The following CLECL1 variants were observed in gnomAD, a reference collection of about 807,000 sequenced individuals.
CLECL1 encodes the protein C-type lectin-like domain family 1.
downstream of CLECL1, among the ~76,000 whole-genome samples, chr12:9,715,464 C>T (rs1234796114): frequency 6.6e-6 from 1 of 152,200 alleles, no homozygotes; most frequent in African/African-American, 2.4e-5. Context: ...GGATTACATA[C>T]TTTGTACTGG....
intron 3 of CLECL1, among the ~76,000 whole-genome samples, chr12:9,727,188 T>C (rs900642028): frequency 6.6e-6 from 1 of 151,802 alleles, no homozygotes; most frequent in Admixed American, 6.6e-5. Flanking sequence ...GCATTTACAT[T>C]TTTAAATATG....
At chr12:9,709,027 T>A in the CLECL1 span, 1 of 172,618 alleles carries the variant, frequency 5.8e-6, no homozygotes, top group South Asian at 1.7e-4. Flanking sequence ...CAGGAAGGAC[T>A]GAGTTGGCCT....
upstream of CLECL1, chr12:9,733,332 C>T: frequency 3.8e-6 from 4 of 1,064,396 alleles, no homozygotes; most frequent in Non-Finnish European, 5.5e-6. Context: ...TTTATTAATA[C>T]CACAGAAGAT....
At chr12:9,708,825 T>C in the CLECL1 span, 1 of 188,754 alleles carries the variant, frequency 5.3e-6, no homozygotes, top group Non-Finnish European at 1.1e-5. Flanking sequence ...CCCTGAGTAT[T>C]TGCTGAAAGA....
chr12:9,730,679 T>G (rs1268577744), intron 1 of CLECL1, among the ~76,000 whole-genome samples: 2 of 152,126 alleles, frequency 1.3e-5, no homozygotes, highest in African/African-American at 4.8e-5. Context: ...ACGTTTCTTT[T>G]TCTTTCTTTT....
downstream of CLECL1, among the ~76,000 whole-genome samples, chr12:9,713,709 T>G (rs1237370260): frequency 6.6e-6 from 1 of 152,242 alleles, no homozygotes; most frequent in African/African-American, 2.4e-5. Flanking sequence ...AGTATGCTTG[T>G]GCTGAAGCAT....
At chr12:9,733,389 A>G, upstream of CLECL1, 1 of 616,060 alleles carries the variant, frequency 1.6e-6, no homozygotes. Flanking sequence ...TAGTTCAGGC[A>G]TATATTCTCT....
chr12:9,713,345 ACTC>A (rs1434710804), downstream of CLECL1, among the ~76,000 whole-genome samples: 1 of 152,132 alleles, frequency 6.6e-6, no homozygotes, highest in African/African-American at 2.4e-5. Flanking sequence ...GCTCCCATGT[ACTC>A]CTCCAAACTC....
At chr12:9,723,266 AG>A (rs1866336278) in intron 3 of CLECL1, among the ~76,000 whole-genome samples, 1 of 152,214 alleles carries the variant, frequency 6.6e-6, no homozygotes, top group Non-Finnish European at 1.5e-5. Flanking sequence ...AAAATCAAAT[AG>A]GTTCATCTCT....
At chr12:9,703,340 A>T in the CLECL1 span, among the ~76,000 whole-genome samples, 1 of 152,006 alleles carries the variant, frequency 6.6e-6, no homozygotes, top group Non-Finnish European at 1.5e-5. Context: ...ATATATACAC[A>T]CATACACACA....
At chr12:9,731,707 TCATTTTTAG>T (rs1247131133) in intron 1 of CLECL1, among the ~76,000 whole-genome samples, 2 of 152,250 alleles carry the variant, frequency 1.3e-5, no homozygotes. Flanking sequence ...GTTCGTTTTC[TCATTTTTAG>T]CATTCTAAGA....
At chr12:9,711,969 T>C (rs1416852775), downstream of CLECL1, among the ~76,000 whole-genome samples, 1 of 152,220 alleles carries the variant, frequency 6.6e-6, no homozygotes, top group Non-Finnish European at 1.5e-5. Flanking sequence ...AGTATTATCA[T>C]TATCGAATAC....
chr12:9,719,157 AGGTGCG>A (rs1367948891), downstream of CLECL1, among the ~76,000 whole-genome samples: 7 of 152,306 alleles, frequency 4.6e-5, no homozygotes, highest in East Asian at 1.4e-3. Context: ...AGTTAGAGCC[AGGTGCG>A]GTGGCTCATG....
At chr12:9,712,607 G>A (rs2121032401), downstream of CLECL1, among the ~76,000 whole-genome samples, 2 of 152,200 alleles carry the variant, frequency 1.3e-5, no homozygotes, top group Admixed American at 6.5e-5. Flanking sequence ...GGCAAGAGTG[G>A]CCACCTTGCC....
At chr12:9,730,553 G>T (rs1261762030) in intron 1 of CLECL1, among the ~76,000 whole-genome samples, 1 of 152,074 alleles carries the variant, frequency 6.6e-6, no homozygotes, top group Non-Finnish European at 1.5e-5. Flanking sequence ...TCTTTAATAG[G>T]AATTTGTTAA....
At chr12:9,722,937 C>T (rs75867398) in intron 3 of CLECL1, 124 bp from the exon 2 acceptor site, 34,236 of 628,840 alleles carry the variant, frequency 0.054, 1,087 homozygotes, top group Middle Eastern at 0.11. Flanking sequence ...AAAGTATGTG[C>T]TTTGTTCCAG....
chr12:9,709,930 G>A, the CLECL1 span, among the ~76,000 whole-genome samples: 2 of 152,194 alleles, frequency 1.3e-5, no homozygotes, highest in African/African-American at 2.4e-5. Context: ...CCCAGGAAGA[G>A]AGAGGAAATA....
chr12:9,709,740 T>C, the CLECL1 span, among the ~76,000 whole-genome samples: 140,791 of 152,192 alleles, frequency 0.93, 65,172 homozygotes, highest in East Asian at 0.97. Flanking sequence ...AATGATGAGA[T>C]GGAAGACTGG....
At chr12:9,706,195 C>A in the CLECL1 span, among the ~76,000 whole-genome samples, 12 of 152,146 alleles carry the variant, frequency 7.9e-5, no homozygotes, top group Non-Finnish European at 1.2e-4. Context: ...GTGATTTTTG[C>A]AAATTGATTT....
Sources: gnomAD v4.1 joint callset for allele counts (sites outside exome capture counted in the v4.1 genomes callset) on GRCh38, gnomAD v4.1.1 for gene constraint, MANE v1.5 for transcripts, NCBI Gene and HGNC (gene_info 2026-07-23, HGNC 2026-07-21) for gene names.